The following PIP4K2A variants were observed in gnomAD, a reference collection of about 807,000 sequenced individuals.
PIP4K2A encodes phosphatidylinositol 5-phosphate 4-kinase type-2 alpha.
In PIP4K2A, 14 loss-of-function variants were observed where a neutral mutation model predicts 42.9. That is an observed-to-expected ratio of 0.33 (90% CI 0.22 to 0.51). The LOEUF (loss-of-function observed/expected upper bound fraction) is 0.51, where lower values mean the gene tolerates loss of function less well. Among genes scored for constraint, PIP4K2A ranks in the 20% least tolerant of loss-of-function variants. The pLI is 0.97. For synonymous variants in PIP4K2A, 192 were observed against 192.2 expected (o/e 1.00, Z 0.01); for missense variants, 434 against 519.8 (o/e 0.83, Z 1.61).
At position 22,583,882 on chromosome 10, in the gene PIP4K2A, C is replaced by T. The variant is rs969245634; in HGVS notation, c.492+7747G>A. The stretch of plus-strand genomic sequence containing the variant: ...GGGCAGCTCCTTCTAGGTCTGCCTT[C>T]CGAGGGCAGCCTGTCATTTTGGCCC... On this transcript the variant is annotated intron_variant, in intron 4 of 9. Coordinates refer to ENST00000376573, the MANE Select transcript of PIP4K2A (RefSeq NM_005028.5). Among the ~76,000 whole-genome samples the T allele has an allele frequency of 4.6e-5, 7 of 152,360 alleles. No individual in the cohort carries two copies. The East Asian group carries it at 7.7e-4, about 17-fold the overall frequency.
chr10:22,624,702 C>T (rs1838400088), intron 1 of PIP4K2A, among the ~76,000 whole-genome samples: 1 of 152,144 alleles, frequency 6.6e-6, no homozygotes, highest in African/African-American at 2.4e-5. Flanking sequence ...AAAATCAGCA[C>T]ACTTTACGCT....
chr10:22,549,412 G>C (rs1836343039), intron 7 of PIP4K2A, among the ~76,000 whole-genome samples: 1 of 151,064 alleles, frequency 6.6e-6, no homozygotes, highest in African/African-American at 2.4e-5. Flanking sequence ...CTCTCTCTAA[G>C]TAGCAGATCC....
At chr10:22,606,306 G>A (rs1259298711) in intron 3 of PIP4K2A, among the ~76,000 whole-genome samples, 2 of 152,098 alleles carry the variant, frequency 1.3e-5, no homozygotes, top group African/African-American at 4.8e-5. Flanking sequence ...GCAAGACCTT[G>A]TATCAAGAAA....
intron 8 of PIP4K2A, among the ~76,000 whole-genome samples, chr10:22,541,093 A>G (rs1391299225): frequency 6.6e-6 from 1 of 152,250 alleles, no homozygotes; most frequent in Non-Finnish European, 1.5e-5. Context: ...ATTGTCACGG[A>G]TAAGTTGCTA....
In PIP4K2A at chr10:22,586,635, A is replaced by C. The variant is rs547848128; in HGVS notation, c.492+4994T>G. ...AACCTCCACCTCCTGGGTTCAAGCGATTCTCATGCCTCAGCCTCCCGAGTA... is the reference window on the plus strand; with the variant it reads ...AACCTCCACCTCCTGGGTTCAAGCGCTTCTCATGCCTCAGCCTCCCGAGTA... On this transcript the variant is annotated intron_variant, in intron 4 of 9. Coordinates refer to ENST00000376573, the MANE Select transcript of PIP4K2A (RefSeq NM_005028.5). Among the ~76,000 whole-genome samples, 12 of 152,168 alleles carry C rather than the reference A, an allele frequency of 7.9e-5. No homozygotes were observed. The South Asian group carries it at 1.5e-3, about 18-fold the overall frequency.
intron 6 of PIP4K2A, among the ~76,000 whole-genome samples, chr10:22,553,394 T>C (rs903558174): frequency 1.3e-5 from 2 of 152,218 alleles, no homozygotes; most frequent in Non-Finnish European, 2.9e-5. Flanking sequence ...GCCAGGTTCC[T>C]GGACCTCTCC....
chr10:22,683,875 A>AC (rs57934751), intron 1 of PIP4K2A, among the ~76,000 whole-genome samples: 2 of 146,078 alleles, frequency 1.4e-5, no homozygotes, highest in African/African-American at 2.6e-5. Context: ...ACACACACAC[A>AC]ATTCAAAGTG....
intron 4 of PIP4K2A, among the ~76,000 whole-genome samples, chr10:22,586,562 G>A (rs769423934): frequency 1.1e-4 from 17 of 152,008 alleles, no homozygotes; most frequent in Non-Finnish European, 1.9e-4. Flanking sequence ...ACGGAGTCTC[G>A]TTCTGTTACC....
In PIP4K2A at chr10:22,541,888, C is replaced by G; in HGVS notation, c.952G>C (p.Gly318Arg). Residue 318 changes from glycine (G) to arginine (R), a missense_variant, in exon 8 of 10, where the codon GGG becomes CGG. Around this residue, in one of 2 missense-constraint regions of PIP4K2A, gnomAD observed 395 missense variants for 444.5 expected, o/e 0.89. Transcript: ENST00000376573. ...GGTGGTGAGCTGTTCAGTGTATTCCCGGGGCTATCTGGGGGGGTTCCCACC... is the reference window on the plus strand; with the variant it reads ...GGTGGTGAGCTGTTCAGTGTATTCCGGGGGCTATCTGGGGGGGTTCCCACC... Reference protein sequence around the residue: ...HPVGTPPDSPGNTLNSSPPLA... With the variant: ...HPVGTPPDSPRNTLNSSPPLA... 6.2e-7 allele frequency: 1 copy of G among 1,613,144 alleles called. No individual in the cohort carries two copies. The highest frequency in any genetic ancestry group is 1.1e-5 in the South Asian group (1 of 90,934).
At chr10:22,567,671 A>G (rs755786521) in intron 6 of PIP4K2A, 180 bp downstream of exon 6, 20 of 758,572 alleles carry the variant, frequency 2.6e-5, no homozygotes, top group Non-Finnish European at 4.7e-5. Context: ...CAATTTGATG[A>G]AGAGAAATGA....
At chr10:22,701,186 G>A (rs1049880936) in intron 1 of PIP4K2A, among the ~76,000 whole-genome samples, 2 of 152,122 alleles carry the variant, frequency 1.3e-5, no homozygotes, top group African/African-American at 4.8e-5. Context: ...TGGCAAGAGG[G>A]GCAGGGGTAT....
At chr10:22,552,771 CTG>C (rs1180107681) in intron 6 of PIP4K2A, among the ~76,000 whole-genome samples, 3 of 152,122 alleles carry the variant, frequency 2.0e-5, no homozygotes, top group South Asian at 2.1e-4. Context: ...TTGGGCATTT[CTG>C]TGTCATTATG....
chr10:22,660,124 A>T (rs1839174911), intron 1 of PIP4K2A, among the ~76,000 whole-genome samples: 1 of 151,942 alleles, frequency 6.6e-6, no homozygotes, highest in Non-Finnish European at 1.5e-5. Flanking sequence ...TTCCCCCTAC[A>T]TCCCCAGCAC....
At chr10:22,664,192 CAT>C (rs67717111) in intron 1 of PIP4K2A, among the ~76,000 whole-genome samples, 2,731 of 55,446 alleles carry the variant, frequency 0.049, 137 homozygotes, top group Non-Finnish European at 0.053. Context: ...CATATATATA[CAT>C]ATATATATAC....
chr10:22,543,472 C>G (rs981610136), intron 7 of PIP4K2A, among the ~76,000 whole-genome samples: 2 of 152,328 alleles, frequency 1.3e-5, no homozygotes, highest in East Asian at 3.9e-4. Flanking sequence ...AGGCAAACCC[C>G]TCGTGGAAAC....
At chr10:22,693,407 G>C (rs921786312) in intron 1 of PIP4K2A, among the ~76,000 whole-genome samples, 1 of 152,094 alleles carries the variant, frequency 6.6e-6, no homozygotes, top group African/African-American at 2.4e-5. Flanking sequence ...GAGTCCAAGA[G>C]TGATTCTACA....
chr10:22,704,066 C>T (rs997928012), intron 1 of PIP4K2A, among the ~76,000 whole-genome samples: 3 of 152,026 alleles, frequency 2.0e-5, no homozygotes, highest in African/African-American at 7.2e-5. Context: ...TAAGAAACTG[C>T]ATATAGAGCC....
intron 6 of PIP4K2A, among the ~76,000 whole-genome samples, chr10:22,565,018 C>A (rs2130783839): frequency 6.6e-6 from 1 of 152,348 alleles, no homozygotes; most frequent in Middle Eastern, 3.4e-3. Flanking sequence ...GCAGTTCTTA[C>A]AATGCTTGGC....
rs551444091 is a variant in PIP4K2A at position 22,705,196 on chromosome 10, C to T, written c.144+8987G>A. On this transcript the variant is annotated intron_variant, in intron 1 of 9. Transcript: ENST00000376573. ...GAGAACATATTAAAGGAGGCAGTAA[C>T]ACTTCCGGGTCGAGTGTCATTTGAG... Among the ~76,000 whole-genome samples, 164 of 152,014 alleles carry T rather than the reference C, an allele frequency of 1.1e-3. 1 individual carries two copies. The highest frequency in any genetic ancestry group is 3.4e-3 in the Middle Eastern group (1 of 292).
Sources: gnomAD v4.1 joint callset for allele counts (sites outside exome capture counted in the v4.1 genomes callset) on GRCh38, gnomAD v4.1.1 for gene constraint, gnomAD v4.1.1 regional missense constraint, MANE v1.5 for transcripts, NCBI Gene and HGNC (gene_info 2026-07-23, HGNC 2026-07-21) for gene names.